The following ATP5PO variants were observed in gnomAD, a reference collection of about 807,000 sequenced individuals.
ATP5PO encodes the protein ATP synthase peripheral stalk subunit OSCP, mitochondrial.
In ATP5PO, 14 loss-of-function variants were observed where a neutral mutation model predicts 26.2. That is an observed-to-expected ratio of 0.53 (90% CI 0.35 to 0.83). The LOEUF is 0.83. Among genes scored for constraint, ATP5PO ranks in the 40% least tolerant of loss-of-function variants. ATP5PO has a pLI of 0.01. For missense variants in ATP5PO, 241 were observed against 258.5 expected (o/e 0.93, Z 0.46); for synonymous variants, 106 against 95.1 (o/e 1.12, Z -0.67).
intron 2 of ATP5PO, 63 bp from the exon 3 acceptor site, chr21:33,912,462 C>G (rs1987262699): frequency 9.0e-7 from 1 of 1,112,360 alleles, no homozygotes; most frequent in South Asian, 1.6e-5. Flanking sequence ...AGTATACTCT[C>G]AAGAGCAGAA....
intron 3 of ATP5PO, 35 bp downstream of exon 3, chr21:33,912,254 G>T: frequency 6.5e-7 from 1 of 1,547,956 alleles, no homozygotes; most frequent in South Asian, 1.1e-5. Context: ...ATACAAACAG[G>T]AACTTCATAT....
chr21:33,903,539 C>T lies in ATP5PO; in HGVS notation c.629G>A (p.Arg210Gln), dbSNP rs375689891. The change falls in exon 7 of 7, where the codon CGG becomes CAG. Residue 210 changes from arginine to glutamine, a missense_variant. Coordinates refer to ENST00000290299, the MANE Select transcript of ATP5PO (RefSeq NM_001697.3). ...TKIQKLGRAM[R>Q]EIV ...AAACCAACACTTTTAGACAATCTCC[C>T]GCATAGCCCTGCCCAGCTTCTGAAT... The T allele has an allele frequency of 4.1e-5, 66 of 1,612,620 alleles. No individual in the cohort carries two copies. Among genetic ancestry groups the T allele is most frequent in the Middle Eastern group, 1.6e-4 (1 of 6,074 alleles).
chr21:33,913,798 G>A (rs1429118248), intron 2 of ATP5PO, among the ~76,000 whole-genome samples: 3 of 149,760 alleles, frequency 2.0e-5, no homozygotes, highest in Admixed American at 2.0e-4. Context: ...TTTTTTTTTC[G>A]AGACAGAGTC....
chr21:33,906,599 T>TAGC, intron 5 of ATP5PO: 5 of 388,784 alleles, frequency 1.3e-5, no homozygotes, highest in South Asian at 8.2e-5. Context: ...CAATAAACGG[T>TAGC]AGCCAATTAT....
chr21:33,906,860 G>A (rs994994341), intron 5 of ATP5PO: 2 of 436,240 alleles, frequency 4.6e-6, no homozygotes, highest in African/African-American at 2.0e-5. Context: ...GTGTGGTGGG[G>A]GTGCACTGTA....
intron 3 of ATP5PO, among the ~76,000 whole-genome samples, chr21:33,911,662 G>GTT (rs58774588): frequency 0.066 from 6,036 of 91,850 alleles, 343 homozygotes; most frequent in Admixed American, 0.072. Flanking sequence ...ATAAGCATAG[G>GTT]TTTTTTTTTT....
Position 33,903,518 on chromosome 21 carries a change from C to T in ATP5PO, c.*8G>A, listed in dbSNP as rs770553560. 3 of 1,605,538 alleles carry T rather than the reference C, an allele frequency of 1.9e-6. No individual in the cohort carries two copies. The East Asian group carries it at 6.7e-5, about 36-fold the overall frequency. On this transcript the variant is annotated 3_prime_UTR_variant, in exon 7 of 7. Transcript: ENST00000290299. ...AGAATTTTCACTGATGGCAGAAAACCAACACTTTTAGACAATCTCCCGCAT... is the reference window on the plus strand; with the variant it reads ...AGAATTTTCACTGATGGCAGAAAACTAACACTTTTAGACAATCTCCCGCAT...
intron 1 of ATP5PO, chr21:33,914,734 T>A: frequency 2.0e-6 from 1 of 500,438 alleles, no homozygotes; most frequent in South Asian, 2.8e-5. Flanking sequence ...CCTAGTTTGC[T>A]AGGAATGGAC....
chr21:33,914,634 T>C, intron 1 of ATP5PO, 134 bp from the exon 2 acceptor site: 1 of 770,742 alleles, frequency 1.3e-6, no homozygotes, highest in Non-Finnish European at 2.1e-6. Flanking sequence ...ACATATTACA[T>C]GAGGGTGAGC....
intron 4 of ATP5PO, chr21:33,908,801 G>T (rs1459261096): frequency 6.4e-6 from 2 of 312,548 alleles, no homozygotes; most frequent in Non-Finnish European, 1.2e-5. Context: ...TTCTTGGTAG[G>T]TATCACACTG....
At chr21:33,908,895 C>T in intron 4 of ATP5PO, 187 bp downstream of exon 4, 1 of 585,146 alleles carries the variant, frequency 1.7e-6, no homozygotes, top group South Asian at 3.6e-5. Context: ...CCTCACACTT[C>T]AATGTGCAAA....
chr21:33,909,827 T>C (rs1987225337), intron 3 of ATP5PO, among the ~76,000 whole-genome samples: 1 of 152,218 alleles, frequency 6.6e-6, no homozygotes, highest in African/African-American at 2.4e-5. Context: ...CATACTTTAA[T>C]ATATTTAAGA....
intron 4 of ATP5PO, 67 bp downstream of exon 4, chr21:33,909,015 C>A: frequency 3.4e-6 from 5 of 1,466,902 alleles, no homozygotes; most frequent in Non-Finnish European, 4.6e-6. Context: ...ATGCCGCCCA[C>A]AGTCCATGGA....
At chr21:33,915,406 T>C (rs1987300516) in intron 1 of ATP5PO, 5 of 419,440 alleles carry the variant, frequency 1.2e-5, no homozygotes, top group East Asian at 9.4e-5. Flanking sequence ...GGAAGCTGAT[T>C]TGGGGGCTAG....
At chr21:33,907,528 A>C in intron 4 of ATP5PO, 75 bp from the exon 5 acceptor site, 4 of 1,301,702 alleles carry the variant, frequency 3.1e-6, no homozygotes, top group Non-Finnish European at 4.4e-6. Flanking sequence ...TACTCAACCC[A>C]AAAAACAAAC....
intron 4 of ATP5PO, 126 bp from the exon 5 acceptor site, chr21:33,907,579 G>A: frequency 1.4e-6 from 1 of 724,952 alleles, no homozygotes; most frequent in South Asian, 1.7e-5. Flanking sequence ...AGGGGCGCAT[G>A]CCTATAATCC....
intron 5 of ATP5PO, 132 bp from the exon 6 acceptor site, chr21:33,904,153 G>C (rs1987138883): frequency 1.4e-6 from 1 of 701,138 alleles, no homozygotes; most frequent in Non-Finnish European, 2.3e-6. Flanking sequence ...CCATCATGGA[G>C]CTGCTCTGCA....
Position 33,909,193 on chromosome 21 carries a change from T to C in ATP5PO, c.217A>G (p.Lys73Glu). Residue 73 changes from lysine (K) to glutamate (E), a missense_variant, in exon 4 of 7, where the codon AAA becomes GAA. Transcript: ENST00000290299. Reference sequence around the variant, plus strand: ...GGATTCAAAACAGAAGCAGCCACTTTGGGTTCCTTCAGGATTTGCTGAAAG... The same window carrying C: ...GGATTCAAAACAGAAGCAGCCACTTCGGGTTCCTTCAGGATTTGCTGAAAG... ...LRVAQILKEP[K>E]VAASVLNPYV... 1 of 1,613,432 alleles carries C rather than the reference T, an allele frequency of 6.2e-7. No homozygotes were observed.
At chr21:33,909,285 T>G (rs1339427668) in intron 3 of ATP5PO, 74 bp from the exon 4 acceptor site, 1 of 1,502,072 alleles carries the variant, frequency 6.7e-7, no homozygotes, top group East Asian at 2.3e-5. Flanking sequence ...CACACTTTCT[T>G]TCTTTCTTTT....
Sources: gnomAD v4.1 joint callset for allele counts (sites outside exome capture counted in the v4.1 genomes callset) on GRCh38, gnomAD v4.1.1 for gene constraint, MANE v1.5 for transcripts, NCBI Gene and HGNC (gene_info 2026-07-23, HGNC 2026-07-21) for gene names.